The following TMPRSS15 variants were observed in gnomAD, a reference collection of about 807,000 sequenced individuals.
TMPRSS15 encodes the protein transmembrane serine protease 15, also known as enteropeptidase.
In TMPRSS15, 128 loss-of-function variants were observed where a neutral mutation model predicts 125.3. The observed-to-expected ratio is 1.02, with a 90% CI of 0.89 to 1.18. TMPRSS15 has a LOEUF of 1.18. Ranked by LOEUF, TMPRSS15 falls within the 50% of genes most tolerant of loss-of-function variation. TMPRSS15 has a pLI of 0.00. For synonymous variants in TMPRSS15, 446 were observed against 423.2 expected (o/e 1.05, Z -0.66); for missense variants, 1,283 against 1,212.7 (o/e 1.06, Z -0.86).
intron 1 of TMPRSS15, among the ~76,000 whole-genome samples, chr21:18,481,013 T>A (rs1220698593): frequency 6.6e-6 from 1 of 151,820 alleles, no homozygotes; most frequent in Non-Finnish European, 1.5e-5. Context: ...AAGTCTGAAA[T>A]ACTGTGGTCT....
At position 18,390,770 on chromosome 21, in the gene TMPRSS15, AG is replaced by A. The variant is rs2123090904; in HGVS notation, c.345-6993del. 1.3e-5 allele frequency among the ~76,000 whole-genome samples: 2 copies of A among 152,284 alleles called. 1 individual carries two copies. Among genetic ancestry groups the A allele is most frequent in the South Asian group, 4.1e-4 (2 of 4,822 alleles). On this transcript the variant is annotated intron_variant, in intron 3 of 24. Transcript: ENST00000284885. Reference sequence around the variant, plus strand: ...GATGCAATAATAAGGAGAGAAAATGAGAGTGCCAGTATATTAATCCATTTTT... The same window carrying A: ...GATGCAATAATAAGGAGAGAAAATGAAGTGCCAGTATATTAATCCATTTTT...
rs2075714920 is a variant in TMPRSS15, at chr21:18,365,164, C to G, written c.749G>C (p.Ser250Thr). The G allele has an allele frequency of 6.2e-7, 1 of 1,613,944 alleles. No individual in the cohort carries two copies. The highest frequency in any genetic ancestry group is 1.3e-5 in the African/African-American group (1 of 74,910). The change falls in exon 7 of 25, where the codon AGT becomes ACT. Residue 250 changes from serine to threonine, a missense_variant. By Grantham distance (58) the Ser-to-Thr change is moderately conservative. Transcript: ENST00000284885. Reference protein sequence around the residue: ...ATHYPKPSETSVVCQWIIRVN... With the variant: ...ATHYPKPSETTVVCQWIIRVN... ...CCGTATGATCCACTGGCAGACAACA[C>G]TTGTTTCAGAAGGTTTTGGATAATG...
At chr21:18,280,701 T>G (rs2074687919) in intron 22 of TMPRSS15, among the ~76,000 whole-genome samples, 2 of 152,288 alleles carry the variant, frequency 1.3e-5, no homozygotes, top group Admixed American at 1.3e-4. Context: ...TTACTCTGCT[T>G]TTTGGTAGAT....
intron 23 of TMPRSS15, 148 bp downstream of exon 23, chr21:18,278,816 A>G (rs2074652234): frequency 1.7e-6 from 1 of 580,928 alleles, no homozygotes; most frequent in South Asian, 2.1e-5. Context: ...ATATATGTAC[A>G]TGCTTGACGG....
At chr21:18,359,001 A>G (rs568096748) in intron 8 of TMPRSS15, among the ~76,000 whole-genome samples, 53 of 152,170 alleles carry the variant, frequency 3.5e-4, no homozygotes, top group African/African-American at 1.3e-3. Flanking sequence ...TAGAACAGTT[A>G]ACTATTTCTC....
chr21:18,285,815 C>T (rs1295919524), intron 21 of TMPRSS15, among the ~76,000 whole-genome samples: 1 of 152,110 alleles, frequency 6.6e-6, no homozygotes, highest in Admixed American at 6.5e-5. Context: ...TGCAATGAAA[C>T]TCAAAAGAGA....
intron 5 of TMPRSS15, among the ~76,000 whole-genome samples, chr21:18,375,004 T>A (rs990600791): frequency 2.6e-5 from 4 of 152,194 alleles, no homozygotes; most frequent in African/African-American, 9.6e-5. Flanking sequence ...ATGAACAAAT[T>A]GTGGGGTTAG....
At chr21:18,330,621 G>T (rs2146967449) in intron 14 of TMPRSS15, among the ~76,000 whole-genome samples, 1 of 152,176 alleles carries the variant, frequency 6.6e-6, no homozygotes, top group South Asian at 2.1e-4. Context: ...CTACATTTGT[G>T]TCTTCTTTAC....
intron 1 of TMPRSS15, among the ~76,000 whole-genome samples, chr21:18,459,819 G>A (rs537916600): frequency 3.6e-4 from 55 of 152,224 alleles, no homozygotes; most frequent in African/African-American, 1.2e-3. Context: ...CTGCGAACAT[G>A]ATACATCTCT....
upstream of TMPRSS15, among the ~76,000 whole-genome samples, chr21:18,406,134 A>C (rs903760181): frequency 6.6e-6 from 1 of 152,196 alleles, no homozygotes; most frequent in African/African-American, 2.4e-5. Flanking sequence ...GGAGGGTGAT[A>C]AAGCCAGTGA....
At chr21:18,375,895 C>G (rs1210365098) in intron 5 of TMPRSS15, among the ~76,000 whole-genome samples, 1 of 152,074 alleles carries the variant, frequency 6.6e-6, no homozygotes, top group African/African-American at 2.4e-5. Flanking sequence ...AGACTAAAAT[C>G]CATTATTTTT....
intron 7 of TMPRSS15, among the ~76,000 whole-genome samples, chr21:18,363,713 T>C (rs2075698948): frequency 6.6e-6 from 1 of 152,102 alleles, no homozygotes; most frequent in Non-Finnish European, 1.5e-5. Context: ...TTGAAGTGAT[T>C]ATGTGTGTGT....
At chr21:18,399,958 A>G (rs1244113984) in intron 1 of TMPRSS15, among the ~76,000 whole-genome samples, 2 of 152,268 alleles carry the variant, frequency 1.3e-5, no homozygotes, top group African/African-American at 4.8e-5. Context: ...GAGCCAAATC[A>G]AGAATTTAAT....
intron 1 of TMPRSS15, among the ~76,000 whole-genome samples, chr21:18,423,439 C>T (rs376107186): frequency 6.8e-6 from 1 of 146,972 alleles, no homozygotes; most frequent in Admixed American, 6.8e-5. Flanking sequence ...GACAGAGTCT[C>T]GCTCTGTCGC....
At chr21:18,342,424 C>T (rs2075457492) in intron 12 of TMPRSS15, among the ~76,000 whole-genome samples, 1 of 152,178 alleles carries the variant, frequency 6.6e-6, no homozygotes, top group Admixed American at 6.5e-5. Context: ...TTCAAGGAGA[C>T]TATGGTGACT....
At position 18,277,545 on chromosome 21, in the gene TMPRSS15, A is replaced by G. The variant is rs190707520; in HGVS notation, c.2764+1419T>C. On this transcript the variant is annotated intron_variant, in intron 23 of 24. Transcript: ENST00000284885. ...TATGAATATACAGTCTTTGACTTCA[A>G]TATACTTGATGGACAGCAGACATGA... Among the ~76,000 whole-genome samples, 283 of 152,316 alleles carry G rather than the reference A, an allele frequency of 1.9e-3. 2 individuals are homozygous for G. The highest frequency in any genetic ancestry group is 6.5e-3 in the African/African-American group (270 of 41,578).
intron 10 of TMPRSS15, among the ~76,000 whole-genome samples, chr21:18,344,337 T>A (rs953985184): frequency 6.6e-6 from 1 of 152,172 alleles, no homozygotes; most frequent in Non-Finnish European, 1.5e-5. Flanking sequence ...TTCTGACTTA[T>A]TATGAGTCAC....
At chr21:18,413,491 C>A (rs1728531412) in intron 1 of TMPRSS15, among the ~76,000 whole-genome samples, 1 of 151,104 alleles carries the variant, frequency 6.6e-6, no homozygotes, top group South Asian at 2.1e-4. Context: ...GGTCTCGGGT[C>A]ACTGCTACCT....
At chr21:18,442,844 T>C (rs2076245526) in intron 1 of TMPRSS15, among the ~76,000 whole-genome samples, 1 of 152,236 alleles carries the variant, frequency 6.6e-6, no homozygotes, top group African/African-American at 2.4e-5. Flanking sequence ...AAATGAAGTA[T>C]ATTTTAATAC....
Sources: allele counts gnomAD v4.1 joint callset (sites outside exome capture counted in the v4.1 genomes callset), GRCh38; gene constraint gnomAD v4.1.1; transcripts MANE v1.5; gene names NCBI Gene and HGNC (gene_info 2026-07-23, HGNC 2026-07-21).